RASAL2: variants seen among roughly 807,000 people sequenced by gnomAD.
RASAL2 encodes ras GTPase-activating protein nGAP.
A neutral mutation model predicts 128.9 loss-of-function variants in RASAL2; 58 were observed. The observed-to-expected ratio is 0.45, with a 90% CI of 0.36 to 0.56. The LOEUF (loss-of-function observed/expected upper bound fraction) is 0.56. Among genes scored for constraint, RASAL2 ranks in the 20% least tolerant of loss-of-function variants. RASAL2 has a pLI of 0.00. For synonymous variants in RASAL2, 561 were observed against 580.8 expected (o/e 0.97, Z 0.49); for missense variants, 1,360 against 1,601.6 (o/e 0.85, Z 2.57).
At chr1:178,448,667 A>C (rs1677181292) in intron 9 of RASAL2, among the ~76,000 whole-genome samples, 1 of 152,202 alleles carries the variant, frequency 6.6e-6, no homozygotes, top group African/African-American at 2.4e-5. Context: ...ACCAAAAAAA[A>C]AAAGCATCTC....
At chr1:178,251,254 G>A (rs538783721) in intron 1 of RASAL2, among the ~76,000 whole-genome samples, 1 of 152,268 alleles carries the variant, frequency 6.6e-6, no homozygotes, top group South Asian at 2.1e-4. Flanking sequence ...TACATCTGTG[G>A]GAGAAAGGTA....
chr1:178,370,676 C>T (rs1671653746), intron 3 of RASAL2, among the ~76,000 whole-genome samples: 1 of 152,172 alleles, frequency 6.6e-6, no homozygotes, highest in South Asian at 2.1e-4. Context: ...CCTGTTAAAA[C>T]TTCTAGAGCT....
In RASAL2 at chr1:178,121,566, A is replaced by G. The variant is rs550598680; in HGVS notation, c.202+26872A>G. Among the ~76,000 whole-genome samples the G allele has an allele frequency of 1.1e-3, 174 of 151,790 alleles. 3 individuals carry two copies. The South Asian group carries it at 0.035, about 30-fold the overall frequency. On this transcript the variant is annotated intron_variant, in intron 1 of 17. Coordinates refer to ENST00000367649, the MANE Select transcript of RASAL2 (RefSeq NM_170692.4). ...AGTGGCGTGATCTTGGCTCACTGCA[A>G]CCTCCATCTCCCGGGTTCAGGTGAT...
At chr1:178,112,908 A>G (rs1425460281) in intron 1 of RASAL2, among the ~76,000 whole-genome samples, 1 of 152,082 alleles carries the variant, frequency 6.6e-6, no homozygotes, top group African/African-American at 2.4e-5. Context: ...TTAAAGTATA[A>G]TAGTAAAAGA....
rs572999805 is a variant in RASAL2, at chr1:178,384,419, A to T, written c.458-5681A>T. ...TTAAATTTTGCCACCATCCTCAGAG[A>T]GAGTAATAATTGTTACTATCTCAGG... On this transcript the variant is annotated intron_variant, in intron 3 of 17. Coordinates refer to ENST00000367649, the MANE Select transcript of RASAL2 (RefSeq NM_170692.4). 3.3e-5 allele frequency among the ~76,000 whole-genome samples: 5 copies of T among 152,236 alleles called. No homozygotes were observed. In the South Asian group the frequency reaches 1.0e-3, roughly 32 times the overall value.
intron 1 of RASAL2, among the ~76,000 whole-genome samples, chr1:178,120,488 A>C (rs1253348682): frequency 6.6e-6 from 1 of 152,236 alleles, no homozygotes; most frequent in Admixed American, 6.5e-5. Flanking sequence ...TGGGCTACAC[A>C]TGGACTAAAA....
At chr1:178,185,798 TGA>T (rs1380044731) in intron 1 of RASAL2, among the ~76,000 whole-genome samples, 2 of 152,166 alleles carry the variant, frequency 1.3e-5, no homozygotes, top group Non-Finnish European at 2.9e-5. Flanking sequence ...AATATTTTGT[TGA>T]GAGTCTTTAT....
chr1:178,101,204 A>T (rs1658883706), intron 1 of RASAL2, among the ~76,000 whole-genome samples: 1 of 152,186 alleles, frequency 6.6e-6, no homozygotes, highest in African/African-American at 2.4e-5. Flanking sequence ...AAACAAAAGA[A>T]ATAAAAATTG....
intron 3 of RASAL2, among the ~76,000 whole-genome samples, chr1:178,306,375 T>C (rs1052260866): frequency 6.6e-6 from 1 of 151,670 alleles, no homozygotes; most frequent in African/African-American, 2.4e-5. Context: ...CATGTGTCTT[T>C]ATAGCAGCAT....
chr1:178,227,054 CAT>C (rs1663817609), intron 1 of RASAL2, among the ~76,000 whole-genome samples: 1 of 152,158 alleles, frequency 6.6e-6, no homozygotes, highest in Non-Finnish European at 1.5e-5. Context: ...GAGTTCTCCA[CAT>C]GTTAAAGCCA....
At chr1:178,238,563 C>T (rs895207382) in intron 1 of RASAL2, among the ~76,000 whole-genome samples, 3 of 151,606 alleles carry the variant, frequency 2.0e-5, no homozygotes, top group South Asian at 2.1e-4. Context: ...GTTTTATATC[C>T]GTGTATTCAT....
At chr1:178,463,923 G>GACTTTTATGGCATAAAAT (rs1165344478) in intron 14 of RASAL2, among the ~76,000 whole-genome samples, 54 of 152,194 alleles carry the variant, frequency 3.5e-4, no homozygotes, top group Non-Finnish European at 6.0e-4. Flanking sequence ...TGGCATAAAA[G>GACTTTTATGGCATAAAAT]ACTTTTATGG....
intron 3 of RASAL2, among the ~76,000 whole-genome samples, chr1:178,383,274 C>T (rs1672380733): frequency 6.6e-6 from 1 of 152,010 alleles, no homozygotes; most frequent in African/African-American, 2.4e-5. Flanking sequence ...CTGAGTGATA[C>T]AAATTGGGTG....
chr1:178,463,254 T>G (rs565187100), intron 14 of RASAL2, among the ~76,000 whole-genome samples: 1 of 151,930 alleles, frequency 6.6e-6, no homozygotes, highest in South Asian at 2.1e-4. Context: ...TCTCTTTAGC[T>G]TACTCTCTCT....
chr1:178,452,017 G>A (rs909635774), intron 10 of RASAL2, among the ~76,000 whole-genome samples: 10 of 152,090 alleles, frequency 6.6e-5, no homozygotes, highest in Non-Finnish European at 1.5e-5. Context: ...ATTTACTAGT[G>A]TTGAACAGAT....
chr1:178,244,399 C>T lies in RASAL2; in HGVS notation c.203-39165C>T, dbSNP rs139172450. ...CTGGGACTACAGGCGCGTGCCACCACGCCCGGCTAATTTTTGTATTTTTAG... is the reference window on the plus strand; with the variant it reads ...CTGGGACTACAGGCGCGTGCCACCATGCCCGGCTAATTTTTGTATTTTTAG... On this transcript the variant is annotated intron_variant, in intron 1 of 17. Transcript: ENST00000367649. Among the ~76,000 whole-genome samples the T allele has an allele frequency of 6.7e-3, 1,014 of 152,158 alleles. 7 individuals carry two copies. Among genetic ancestry groups the T allele is most frequent in the Middle Eastern group, 0.027 (8 of 294 alleles).
At chr1:178,276,930 C>G (rs956278126) in intron 1 of RASAL2, among the ~76,000 whole-genome samples, 15 of 151,674 alleles carry the variant, frequency 9.9e-5, no homozygotes, top group Non-Finnish European at 1.9e-4. Context: ...TGGCGGATCA[C>G]AAGGTCAGGA....
rs1160112682 is a variant in RASAL2, at chr1:178,368,149, T to C, written c.458-21951T>C. On this transcript the variant is annotated intron_variant, in intron 3 of 17. Transcript: ENST00000367649. ...ATTTGCTGACCCCTGCCTAAATTGG[T>C]CTCTGTGGAATATGGATTAGTATAA... Among the ~76,000 whole-genome samples the C allele has an allele frequency of 2.0e-5, 3 of 152,194 alleles. No homozygotes were observed. In the East Asian group the frequency reaches 5.8e-4, roughly 29 times the overall value.
In RASAL2 at chr1:178,458,057, TC is replaced by T; in HGVS notation, c.2767del (p.Gln923ArgfsTer19). Reference sequence around the variant, plus strand: ...CCAGGTGGCCTTCAGCCCTTGTCGTTCCAGAACCCTGTCTATCACCTCAATA... The same window carrying T: ...CCAGGTGGCCTTCAGCCCTTGTCGTTCAGAACCCTGTCTATCACCTCAATA... ...NQPGGLQPLS[F>X]QNPVYHLNNP... On this transcript the variant is annotated frameshift_variant, in exon 14 of 18. Transcript: ENST00000367649. LOFTEE classifies it high-confidence loss of function. The T allele has an allele frequency of 6.2e-7, 1 of 1,614,126 alleles. No individual in the cohort carries two copies. The highest frequency in any genetic ancestry group is 1.1e-5 in the South Asian group (1 of 91,070).
Sources: gnomAD v4.1 joint callset for allele counts (sites outside exome capture counted in the v4.1 genomes callset) on GRCh38, gnomAD v4.1.1 for gene constraint, MANE v1.5 for transcripts, NCBI Gene and HGNC (gene_info 2026-07-23, HGNC 2026-07-21) for gene names.